CHAF1A: variants seen among roughly 807,000 people sequenced by gnomAD.
The protein encoded by CHAF1A is chromatin assembly factor 1 subunit A.
A neutral mutation model predicts 93.2 loss-of-function variants in CHAF1A; 5 were observed. The observed-to-expected ratio is 0.05, with a 90% confidence interval of 0.03 to 0.11. CHAF1A has a LOEUF of 0.11. Ranked by LOEUF, CHAF1A falls within the 10% of genes least tolerant of loss-of-function variation. The pLI is 1.00. For missense variants in CHAF1A, 1,102 were observed against 1,259.9 expected (o/e 0.87, Z 1.90); for synonymous variants, 504 against 510.3 (o/e 0.99, Z 0.17).
intron 7 of CHAF1A, among the ~76,000 whole-genome samples, chr19:4,424,892 C>T (rs945364817): frequency 7.2e-5 from 11 of 152,228 alleles, no homozygotes; most frequent in Non-Finnish European, 1.6e-4. Context: ...GCCTCAGCCT[C>T]CCGAAGTGCC....
In CHAF1A at chr19:4,430,726, G is replaced by A. The variant is rs986778244; in HGVS notation, c.1947+85G>A. The A allele has an allele frequency of 1.7e-5, 24 of 1,413,616 alleles. No homozygotes were observed. In the African/African-American group the frequency reaches 1.7e-4, roughly 10 times the overall value. 87.6% of individuals were successfully genotyped at this position (1,413,616 alleles called of 1,614,324 possible). A position where few individuals can be genotyped will look rare whatever the true frequency, so the allele number is the denominator to read the frequency against. ...CAGTGGCCTGACCTGGGAGGGTGAC[G>A]GGGGTCCCAGCCCAACCATACGAGA... On this transcript the variant is annotated intron_variant, in intron 11 of 14. Transcript: ENST00000301280.
downstream of CHAF1A, among the ~76,000 whole-genome samples, chr19:4,444,143 G>A (rs573589318): frequency 7.9e-5 from 12 of 152,270 alleles, no homozygotes; most frequent in African/African-American, 2.4e-4. Context: ...CCTGCAGGAC[G>A]CAGGACTGGA....
chr19:4,406,769 TC>T (rs1973688802), intron 2 of CHAF1A, among the ~76,000 whole-genome samples: 1 of 152,084 alleles, frequency 6.6e-6, no homozygotes. Context: ...TTTGGGTTTT[TC>T]AAACTTGGGC....
the CHAF1A span, chr19:4,450,786 A>AAAAAAAAG: frequency 7.2e-6 from 1 of 139,780 alleles, no homozygotes; most frequent in African/African-American, 2.7e-5. Context: ...AAAAAAAAAA[A>AAAAAAAAG]GAGTGCCTAC....
intron 4 of CHAF1A, among the ~76,000 whole-genome samples, chr19:4,418,932 G>A (rs1973942884): frequency 4.0e-5 from 6 of 151,888 alleles, no homozygotes; most frequent in South Asian, 4.1e-4. Context: ...GCACGATCTC[G>A]GCTCACTGCA....
intron 11 of CHAF1A, among the ~76,000 whole-genome samples, chr19:4,431,486 T>G (rs1455392165): frequency 6.6e-6 from 1 of 151,818 alleles, no homozygotes; most frequent in Non-Finnish European, 1.5e-5. Flanking sequence ...GGCCTGTCGT[T>G]TGGGAAGTGG....
intron 4 of CHAF1A, among the ~76,000 whole-genome samples, chr19:4,419,959 C>T (rs765974875): frequency 4.6e-5 from 7 of 152,132 alleles, no homozygotes; most frequent in South Asian, 2.1e-4. Context: ...TCAGTCCAGA[C>T]GGTCACCTTC....
chr19:4,403,127 G>T (rs1335586241), intron 1 of CHAF1A, among the ~76,000 whole-genome samples: 1 of 152,152 alleles, frequency 6.6e-6, no homozygotes, highest in African/African-American at 2.4e-5. Context: ...GAAGCGAAAG[G>T]GCTTGCCCTG....
chr19:4,435,835 T>C (rs1170875344), intron 13 of CHAF1A, among the ~76,000 whole-genome samples: 2 of 152,162 alleles, frequency 1.3e-5, no homozygotes, highest in African/African-American at 4.8e-5. Context: ...CATCCTCTTC[T>C]CTGATGTTAA....
rs1199095446 is a variant in CHAF1A at position 4,402,753 on chromosome 19, C to T, written c.-10C>T. 3.3e-6 allele frequency: 4 copies of T among 1,202,468 alleles called. No individual in the cohort carries two copies. Among genetic ancestry groups the T allele is most frequent in the Admixed American group, 4.4e-5 (1 of 22,578 alleles). The allele number at this position is 1,202,468 out of a possible 1,614,324, so 74.5% of individuals were successfully genotyped here. On this transcript the variant is annotated 5_prime_UTR_variant, in exon 1 of 15. Transcript: ENST00000301280. ...GCCGCCTGAGAGGAGGTCGAGCTGC[C>T]GCCGGGGCGATGCTGGAGGAGCTGG...
Position 4,429,611 on chromosome 19 carries a change from G to A in CHAF1A, c.1773+5G>A, listed in dbSNP as rs1370735728. On this transcript the variant is annotated splice_donor_5th_base_variant and intron_variant, in intron 9 of 14. Coordinates refer to ENST00000301280, the MANE Select transcript of CHAF1A (RefSeq NM_005483.3). ...GACCCCTGGGCCCAGGACACGGTGA[G>A]CTAGCCCCAGAGTGCCTCCGTCCCC... The A allele has an allele frequency of 1.2e-6, 2 of 1,614,116 alleles. No homozygotes were observed. Among genetic ancestry groups the A allele is most frequent in the East Asian group, 4.5e-5 (2 of 44,882 alleles).
At chr19:4,426,842 G>C (rs1371327991) in intron 7 of CHAF1A, among the ~76,000 whole-genome samples, 1 of 152,050 alleles carries the variant, frequency 6.6e-6, no homozygotes, top group Non-Finnish European at 1.5e-5. Flanking sequence ...TGTAATCTCA[G>C]CATTTGGGGA....
chr19:4,423,229 A>T (rs1442277243), intron 5 of CHAF1A, 106 bp from the exon 6 acceptor site: 6 of 1,504,274 alleles, frequency 4.0e-6, no homozygotes, highest in African/African-American at 1.4e-5. Context: ...ACTTATATTC[A>T]TTTAATGTAA....
At chr19:4,434,395 G>C (rs1035525761) in intron 13 of CHAF1A, among the ~76,000 whole-genome samples, 12 of 152,128 alleles carry the variant, frequency 7.9e-5, no homozygotes, top group Non-Finnish European at 1.3e-4. Flanking sequence ...ACCACCACTA[G>C]GGTTTGTTGC....
chr19:4,432,379 C>G (rs1974201353), intron 12 of CHAF1A, among the ~76,000 whole-genome samples, 172 bp downstream of exon 12: 1 of 152,100 alleles, frequency 6.6e-6, no homozygotes, highest in Non-Finnish European at 1.5e-5. Context: ...TCCCTAGCAG[C>G]AGGACGAGGC....
rs1184207757 is a variant in CHAF1A, at chr19:4,423,317, T to C, written c.1248-18T>C. ...CCAAAGCAAAGAGTCGGCTGAAATG[T>C]CATTTGCTGTCTCACAGGGCTAAAC... On this transcript the variant is annotated intron_variant, in intron 5 of 14. Transcript: ENST00000301280. 2 of 1,614,024 alleles carry C rather than the reference T, an allele frequency of 1.2e-6. No homozygotes were observed. Among genetic ancestry groups the C allele is most frequent in the Non-Finnish European group, 1.7e-6 (2 of 1,179,984 alleles).
chr19:4,418,222 A>G, intron 4 of CHAF1A, 146 bp downstream of exon 4: 2 of 572,588 alleles, frequency 3.5e-6, no homozygotes, highest in South Asian at 2.2e-5. Context: ...GCTTCATTTT[A>G]AGTACTTGGA....
chr19:4,436,243 A>G (rs905082044), intron 13 of CHAF1A, among the ~76,000 whole-genome samples: 3 of 152,186 alleles, frequency 2.0e-5, no homozygotes, highest in Admixed American at 2.0e-4. Flanking sequence ...GCACACAGCC[A>G]TGGGCCTTAA....
chr19:4,419,522 C>A (rs1223387833), intron 4 of CHAF1A, among the ~76,000 whole-genome samples: 1 of 152,000 alleles, frequency 6.6e-6, no homozygotes, highest in African/African-American at 2.4e-5. Context: ...CTCTACCTCC[C>A]GGGTTCAAGC....
Sources: allele counts gnomAD v4.1 joint callset (sites outside exome capture counted in the v4.1 genomes callset), GRCh38; gene constraint gnomAD v4.1.1; transcripts MANE v1.5; gene names NCBI Gene and HGNC (gene_info 2026-07-23, HGNC 2026-07-21).